DCC: variants seen among roughly 807,000 people sequenced by gnomAD.
DCC encodes the protein DCC netrin 1 receptor.
In DCC, 58 loss-of-function variants were observed where a neutral mutation model predicts 172.5. The ratio of observed to expected loss-of-function variants is 0.34; its 90% CI spans 0.27 to 0.42. The LOEUF (loss-of-function observed/expected upper bound fraction) is 0.42, where lower values mean the gene tolerates loss of function less well. Among genes scored for constraint, DCC ranks in the 10% least tolerant of loss-of-function variants. The probability of loss-of-function intolerance (pLI) is 1.00; values close to 1 mark genes in which losing one functional copy is unlikely to be tolerated. For missense variants in DCC, 1,740 were observed against 1,791.0 expected, an observed-to-expected ratio of 0.97 and a Z score of 0.51; for synonymous variants, 709 against 644.5, an observed-to-expected ratio of 1.10 and a Z score of -1.52.
At chr18:52,662,150 C>G (rs11082933) in intron 1 of DCC, among the ~76,000 whole-genome samples, 21,787 of 152,160 alleles carry the variant, frequency 0.14, 1,910 homozygotes, top group Admixed American at 0.25. Context: ...TTGCAAGGCC[C>G]CACACCTAGA....
intron 5 of DCC, among the ~76,000 whole-genome samples, chr18:52,933,838 A>G (rs1036137402): frequency 6.6e-6 from 1 of 152,088 alleles, no homozygotes; most frequent in Non-Finnish European, 1.5e-5. Flanking sequence ...GATAGTGTAC[A>G]TCGCACCTAT....
At chr18:53,004,692 G>GTTTGTTTGTTTC (rs771171445) in intron 5 of DCC, among the ~76,000 whole-genome samples, 96 of 145,662 alleles carry the variant, frequency 6.6e-4, no homozygotes, top group African/African-American at 2.2e-3. Flanking sequence ...GTTTTTGTTT[G>GTTTGTTTGTTTC]TTTGTTTGTT....
chr18:53,161,498 A>G (rs2054839163), intron 8 of DCC, among the ~76,000 whole-genome samples: 1 of 152,140 alleles, frequency 6.6e-6, no homozygotes, highest in African/African-American at 2.4e-5. Flanking sequence ...TTGACTTTAT[A>G]TTCTGTGAAC....
intron 15 of DCC, among the ~76,000 whole-genome samples, chr18:53,384,948 C>T (rs1599091196): frequency 6.6e-6 from 1 of 150,870 alleles, no homozygotes; most frequent in African/African-American, 2.4e-5. Context: ...CCCAGGTTCA[C>T]GCCATTCTCC....
At chr18:53,215,409 G>T in intron 11 of DCC, 139 bp from the exon 12 acceptor site, 1 of 730,486 alleles carries the variant, frequency 1.4e-6, no homozygotes, top group Non-Finnish European at 2.4e-6. Flanking sequence ...AAAAATTTTT[G>T]AAGTACTACC....
chr18:53,261,469 G>C (rs12327102), intron 12 of DCC, among the ~76,000 whole-genome samples: 79,781 of 151,840 alleles, frequency 0.53, 21,893 homozygotes, highest in African/African-American at 0.65. Flanking sequence ...TCATACTTAT[G>C]TCTTTCCTCT....
chr18:52,806,703 T>C (rs1471140377), intron 2 of DCC, among the ~76,000 whole-genome samples: 1 of 152,216 alleles, frequency 6.6e-6, no homozygotes, highest in Non-Finnish European at 1.5e-5. Flanking sequence ...TTTCTGTCAC[T>C]TTATGGCTTC....
intron 8 of DCC, among the ~76,000 whole-genome samples, chr18:53,168,869 G>A (rs2054967065): frequency 6.6e-6 from 1 of 152,108 alleles, no homozygotes; most frequent in Non-Finnish European, 1.5e-5. Flanking sequence ...TTGTTCCATG[G>A]AGGTGAGATC....
At chr18:53,024,096 G>A (rs1030446072) in intron 5 of DCC, among the ~76,000 whole-genome samples, 7 of 152,088 alleles carry the variant, frequency 4.6e-5, no homozygotes, top group Admixed American at 4.6e-4. Flanking sequence ...TGTTTAGAAT[G>A]GAGAAAATTG....
chr18:52,556,811 C>T (rs2032927509), intron 1 of DCC, among the ~76,000 whole-genome samples: 11 of 152,008 alleles, frequency 7.2e-5, no homozygotes, highest in Admixed American at 1.3e-4. Flanking sequence ...CACCTTTGAG[C>T]AGCTCCCTCT....
chr18:52,679,652 A>G (rs1247766453), intron 1 of DCC, among the ~76,000 whole-genome samples: 1 of 152,112 alleles, frequency 6.6e-6, no homozygotes, highest in Non-Finnish European at 1.5e-5. Context: ...CAGAATTATT[A>G]TTGCATGACA....
chr18:53,061,238 T>G (rs1241618765), intron 5 of DCC, among the ~76,000 whole-genome samples: 2 of 152,076 alleles, frequency 1.3e-5, no homozygotes, highest in Non-Finnish European at 2.9e-5. Context: ...CTCTTGAAAC[T>G]TCTCTTTTCT....
intron 27 of DCC, among the ~76,000 whole-genome samples, chr18:53,517,446 A>AATAATAATG (rs758657362): frequency 5.2e-5 from 7 of 134,414 alleles, no homozygotes; most frequent in African/African-American, 2.2e-4. Flanking sequence ...CTTAAAATAT[A>AATAATAATG]ATAATAATAA....
chr18:52,541,883 A>ATATATATG (rs1156400794), intron 1 of DCC, among the ~76,000 whole-genome samples: 121 of 137,288 alleles, frequency 8.8e-4, no homozygotes, highest in Middle Eastern at 3.7e-3. Flanking sequence ...GTGTATATAT[A>ATATATATG]TATATATATA....
At chr18:53,314,440 A>G (rs1447162837) in intron 13 of DCC, among the ~76,000 whole-genome samples, 1 of 152,216 alleles carries the variant, frequency 6.6e-6, no homozygotes, top group African/African-American at 2.4e-5. Flanking sequence ...TGTAAGTGAT[A>G]CTATGGTAAA....
intron 13 of DCC, among the ~76,000 whole-genome samples, chr18:53,319,972 A>C (rs1381848614): frequency 6.6e-6 from 1 of 152,200 alleles, no homozygotes. Context: ...TGACCATCAC[A>C]GAGGATATTT....
chr18:52,485,102 A>G (rs1014508095), intron 1 of DCC, among the ~76,000 whole-genome samples: 1 of 152,160 alleles, frequency 6.6e-6, no homozygotes, highest in Non-Finnish European at 1.5e-5. Context: ...TATAGCATTT[A>G]TGAGTACACT....
At chr18:52,726,913 C>T (rs993463529) in intron 1 of DCC, among the ~76,000 whole-genome samples, 6 of 152,162 alleles carry the variant, frequency 3.9e-5, no homozygotes, top group African/African-American at 1.4e-4. Context: ...GTGTTATCAT[C>T]AGTATTAATT....
At chr18:52,961,599 G>A (rs1027666163) in intron 5 of DCC, among the ~76,000 whole-genome samples, 2 of 152,134 alleles carry the variant, frequency 1.3e-5, no homozygotes, top group Admixed American at 6.5e-5. Context: ...ACACCACAAA[G>A]TTGGCTATGC....
Sources: allele counts gnomAD v4.1 joint callset (sites outside exome capture counted in the v4.1 genomes callset), GRCh38; gene constraint gnomAD v4.1.1; transcripts MANE v1.5; gene names NCBI Gene and HGNC (gene_info 2026-07-23, HGNC 2026-07-21).